Variants in POLE4 observed in about 807,000 individuals in gnomAD.
POLE4 encodes the protein DNA polymerase epsilon 4, accessory subunit.
POLE4 carries 15 observed loss-of-function variants against 15.6 expected under a neutral mutation model. That is an observed-to-expected ratio of 0.96 (90% confidence interval 0.64 to 1.48). The LOEUF is 1.48. Ranked by LOEUF, POLE4 falls within the 40% of genes most tolerant of loss-of-function variation. The pLI, the probability that POLE4 is intolerant of heterozygous loss-of-function variation, is 0.00. For synonymous variants in POLE4, 83 were observed against 63.2 expected (o/e 1.31, Z -1.49); for missense variants, 205 against 151.9 (o/e 1.35, Z -1.84).
intron 3 of POLE4, among the ~76,000 whole-genome samples, chr2:74,967,235 G>A (rs1222752871): frequency 4.0e-5 from 6 of 151,492 alleles, no homozygotes; most frequent in African/African-American, 1.5e-4. Context: ...TCATAATTTT[G>A]CCTCTCTAGT....
intron 3 of POLE4, among the ~76,000 whole-genome samples, chr2:74,969,157 G>A (rs1015865093): frequency 1.3e-5 from 2 of 151,892 alleles, no homozygotes; most frequent in African/African-American, 4.8e-5. Flanking sequence ...CTAACACAAC[G>A]ACTTCTTAGC....
intron 3 of POLE4, among the ~76,000 whole-genome samples, chr2:74,965,317 T>G (rs2103681087): frequency 6.6e-6 from 1 of 152,262 alleles, no homozygotes; most frequent in Non-Finnish European, 1.5e-5. Context: ...GGTCTTGAAC[T>G]CCTGACCTCA....
chr2:74,965,170 T>C (rs1333293670), intron 3 of POLE4, among the ~76,000 whole-genome samples: 1 of 151,640 alleles, frequency 6.6e-6, no homozygotes, highest in African/African-American at 2.4e-5. Flanking sequence ...CTCAGCTCAT[T>C]GCAACCTCTG....
intron 3 of POLE4, among the ~76,000 whole-genome samples, chr2:74,963,589 C>A (rs954099484): frequency 7.9e-5 from 12 of 152,056 alleles, no homozygotes; most frequent in South Asian, 2.1e-4. Flanking sequence ...ATGCAGCCCC[C>A]CCTCCCACGT....
At chr2:74,968,730 C>T (rs1573430417) in intron 3 of POLE4, among the ~76,000 whole-genome samples, 1 of 151,504 alleles carries the variant, frequency 6.6e-6, no homozygotes. Context: ...CATACAGACC[C>T]TCTGGTCATT....
At chr2:74,964,230 T>C (rs548767574) in intron 3 of POLE4, among the ~76,000 whole-genome samples, 1 of 152,346 alleles carries the variant, frequency 6.6e-6, no homozygotes, top group East Asian at 1.9e-4. Flanking sequence ...CTCACATCAG[T>C]ACTATACTGT....
At chr2:74,962,094 G>A (rs1036202509) in intron 3 of POLE4, among the ~76,000 whole-genome samples, 4 of 152,152 alleles carry the variant, frequency 2.6e-5, no homozygotes, top group Non-Finnish European at 5.9e-5. Flanking sequence ...TAGACGGTAT[G>A]TATTGACTTC....
chr2:74,964,234 A>G (rs189812569), intron 3 of POLE4, among the ~76,000 whole-genome samples: 31 of 152,290 alleles, frequency 2.0e-4, no homozygotes, highest in Admixed American at 3.9e-4. Context: ...CATCAGTACT[A>G]TACTGTCTCA....
chr2:74,966,528 A>G (rs913338170), intron 3 of POLE4, among the ~76,000 whole-genome samples: 1 of 152,094 alleles, frequency 6.6e-6, no homozygotes, highest in Non-Finnish European at 1.5e-5. Flanking sequence ...CAGCCTCCCA[A>G]GTAGCTGGAA....
At chr2:74,962,904 G>A (rs571072771) in intron 3 of POLE4, among the ~76,000 whole-genome samples, 12 of 152,166 alleles carry the variant, frequency 7.9e-5, no homozygotes, top group Non-Finnish European at 1.6e-4. Context: ...GAACCAAACC[G>A]TATGCATTCG....
Position 74,959,372 on chromosome 2 carries a change from C to T in POLE4, c.245C>T (p.Ala82Val). The T allele has an allele frequency of 6.2e-7, 1 of 1,613,692 alleles. No individual in the cohort carries two copies. Among genetic ancestry groups the T allele is most frequent in the African/African-American group, 1.3e-5 (1 of 75,008 alleles). Residue 82 changes from alanine (A) to valine (V), a missense_variant, in exon 2 of 4, where the codon GCC (alanine) becomes GTC (valine). Ala to Val is a moderately conservative substitution (Grantham distance 64). Coordinates refer to ENST00000483063, the MANE Select transcript of POLE4 (RefSeq NM_019896.4). ...ELFVETIAKD[A>V]YCCAQQGKRK... Reference sequence around the variant, plus strand: ...TTTGTGGAGACCATTGCAAAAGATGCCTACTGTTGCGCTCAGCAGGGAAAA... The same window carrying T: ...TTTGTGGAGACCATTGCAAAAGATGTCTACTGTTGCGCTCAGCAGGGAAAA...
rs1671350612 is a variant in POLE4 at position 74,970,070 on chromosome 2, C to G, written c.*648C>G. 6.6e-6 allele frequency: 1 copy of G among 151,912 alleles called. No homozygotes were observed. The allele number at this position is 151,912 out of a possible 1,614,324, so 9.4% of individuals were successfully genotyped here. A position where few individuals can be genotyped will look rare whatever the true frequency, so the allele number is the denominator to read the frequency against. On this transcript the variant is annotated 3_prime_UTR_variant, in exon 4 of 4. Transcript: ENST00000483063. Reference sequence around the variant, plus strand: ...TTAGTATATTCACAAATATGTACACCAGTCATCACAGTCGATTTTAGAACA... The same window carrying G: ...TTAGTATATTCACAAATATGTACACGAGTCATCACAGTCGATTTTAGAACA...
At position 74,959,363 on chromosome 2, in the gene POLE4, C is replaced by G. The variant is rs1200832448; in HGVS notation, c.236C>G (p.Ala79Gly). Residue 79 changes from alanine (A) to glycine (G), a missense_variant, in exon 2 of 4, where the codon GCA becomes GGA. By Grantham distance (60) the Ala-to-Gly change is moderately conservative (BLOSUM62 0). Transcript: ENST00000483063. ...CAGGAACTGTTTGTGGAGACCATTGCAAAAGATGCCTACTGTTGCGCTCAG... is the reference window on the plus strand; with the variant it reads ...CAGGAACTGTTTGTGGAGACCATTGGAAAAGATGCCTACTGTTGCGCTCAG... ...RAAELFVETI[A>G]KDAYCCAQQG... 1 of 1,613,556 alleles carries G rather than the reference C, an allele frequency of 6.2e-7. No homozygotes were observed. Among genetic ancestry groups the G allele is most frequent in the African/African-American group, 1.3e-5 (1 of 74,904 alleles).
intron 3 of POLE4, among the ~76,000 whole-genome samples, chr2:74,964,293 T>A (rs1447333954): frequency 2.0e-5 from 3 of 152,228 alleles, no homozygotes; most frequent in African/African-American, 7.2e-5. Context: ...CTTGTTTTTT[T>A]CTAAGTATCT....
chr2:74,963,788 C>T (rs1238534345), intron 3 of POLE4, among the ~76,000 whole-genome samples: 1 of 152,122 alleles, frequency 6.6e-6, no homozygotes, highest in Non-Finnish European at 1.5e-5. Context: ...CTGCGCCCAG[C>T]CGTGCTTGTT....
At chr2:74,963,141 T>C (rs555280100) in intron 3 of POLE4, among the ~76,000 whole-genome samples, 1 of 152,368 alleles carries the variant, frequency 6.6e-6, no homozygotes, top group African/African-American at 2.4e-5. Context: ...GTGTATAAAA[T>C]ATATAATACT....
chr2:74,962,305 G>A (rs903454840), intron 3 of POLE4, among the ~76,000 whole-genome samples: 1 of 152,066 alleles, frequency 6.6e-6, no homozygotes, highest in African/African-American at 2.4e-5. Flanking sequence ...GACTATTAGT[G>A]CATGTATCCC....
At chr2:74,968,081 G>A (rs538707825) in intron 3 of POLE4, among the ~76,000 whole-genome samples, 33 of 152,300 alleles carry the variant, frequency 2.2e-4, no homozygotes, top group Admixed American at 6.5e-4. Flanking sequence ...GAGAGCAGAA[G>A]TAACATTAGA....
intron 1 of POLE4, 181 bp downstream of exon 1, chr2:74,959,073 CTTG>C: frequency 6.4e-6 from 4 of 625,188 alleles, no homozygotes; most frequent in Non-Finnish European, 1.1e-5. Flanking sequence ...ACTCCTCCCT[CTTG>C]TTGAGGACCT....
Sources: gnomAD v4.1 joint callset for allele counts (sites outside exome capture counted in the v4.1 genomes callset) on GRCh38, gnomAD v4.1.1 for gene constraint, MANE v1.5 for transcripts, NCBI Gene and HGNC (gene_info 2026-07-23, HGNC 2026-07-21) for gene names.